NME6: variants seen among roughly 807,000 people sequenced by gnomAD.
NME6 encodes NME/NM23 nucleoside diphosphate kinase 6.
A neutral mutation model predicts 22.2 loss-of-function variants in NME6; 16 were observed. The ratio of observed to expected loss-of-function variants is 0.72; its 90% CI spans 0.49 to 1.09. The LOEUF (loss-of-function observed/expected upper bound fraction) is 1.09, where lower values mean the gene tolerates loss of function less well. Ranked by LOEUF, NME6 falls within the 50% of genes least tolerant of loss-of-function variation. The pLI is 0.00. For missense variants in NME6, 229 were observed against 239.0 expected, an observed-to-expected ratio of 0.96 and a Z score of 0.28; for synonymous variants, 58 against 85.2, an observed-to-expected ratio of 0.68 and a Z score of 1.76.
In NME6 at chr3:48,296,732, T is replaced by A; in HGVS notation, c.188A>T (p.His63Leu). Residue 63 changes from histidine to leucine, a missense_variant, in exon 3 of 6, where the codon CAT (histidine) becomes CTT (leucine). By Grantham distance (99) the His-to-Leu change is moderately conservative. Coordinates refer to ENST00000442597, the MANE Select transcript of NME6 (RefSeq NM_001308426.2). ...CAGAGGACTACTGATCCTACCTTCATGCTCTCGGTAAAACCTCTGGCAATC... is the reference window on the plus strand; with the variant it reads ...CAGAGGACTACTGATCCTACCTTCAAGCTCTCGGTAAAACCTCTGGCAATC... ...KEDCQRFYRE[H>L]EGRFFYQRLV... is the part of the protein sequence containing the mutation. 1.2e-6 allele frequency: 2 copies of A among 1,611,156 alleles called. No individual in the cohort carries two copies. The highest frequency in any genetic ancestry group is 1.7e-6 in the Non-Finnish European group (2 of 1,178,026).
intron 1 of NME6, chr3:48,300,495 C>A: frequency 2.6e-6 from 1 of 378,152 alleles, no homozygotes; most frequent in Non-Finnish European, 5.1e-6. Context: ...CCCTTCAGTT[C>A]CGTCTTCACC....
At chr3:48,299,755 G>A (rs1334451468) in intron 1 of NME6, among the ~76,000 whole-genome samples, 2 of 152,106 alleles carry the variant, frequency 1.3e-5, no homozygotes, top group East Asian at 3.8e-4. Flanking sequence ...CAAAGAAACT[G>A]CCATGGTCGC....
downstream of NME6, among the ~76,000 whole-genome samples, chr3:48,288,320 A>G (rs1050066872): frequency 6.6e-6 from 1 of 151,580 alleles, no homozygotes; most frequent in African/African-American, 2.4e-5. Context: ...GGTGGCAGTG[A>G]GCAGAGATCA....
intron 1 of NME6, 114 bp from the exon 2 acceptor site, chr3:48,298,637 A>T (rs1462319376): frequency 2.9e-6 from 2 of 678,908 alleles, no homozygotes; most frequent in Non-Finnish European, 4.9e-6. Context: ...GACACTCATA[A>T]AGAACCTGAC....
At chr3:48,295,932 G>T (rs991756222) in intron 4 of NME6, 187 bp downstream of exon 4, 24 of 612,082 alleles carry the variant, frequency 3.9e-5, no homozygotes, top group African/African-American at 3.9e-4. Flanking sequence ...GGCCAGGCTG[G>T]TCTCAAACTC....
At position 48,295,095 on chromosome 3, in the gene NME6, C is replaced by T. The variant is rs1360838900; in HGVS notation, c.374G>A (p.Arg125His). The T allele has an allele frequency of 6.8e-6, 11 of 1,613,886 alleles. No individual in the cohort carries two copies. Among genetic ancestry groups the T allele is most frequent in the Middle Eastern group, 1.7e-4 (1 of 6,022 alleles). Residue 125 changes from arginine (R) to histidine (H), a missense_variant, in exon 5 of 6, where the codon CGC becomes CAC. Coordinates refer to ENST00000442597, the MANE Select transcript of NME6 (RefSeq NM_001308426.2). ...CTCACCCGAACCATGGGTGGTGTTG[C>T]GGGTGTCAGTGAGGCCGAAACTCCC... ...IRGSFGLTDT[R>H]NTTHGSDSVV...
Position 48,301,349 on chromosome 3 carries a change from T to A in NME6, c.-8+4A>T, listed in dbSNP as rs995082751. ...GTGCAGCAGAAGTCCGGCTGCGGGT[T>A]CACCTTGTCCTCCGGCACAGGGCCC... On this transcript the variant is annotated splice_donor_region_variant and intron_variant, in intron 1 of 5. Transcript: ENST00000442597. 10 of 1,567,976 alleles carry A rather than the reference T, an allele frequency of 6.4e-6. No individual in the cohort carries two copies. The African/African-American group carries it at 1.2e-4, about 19-fold the overall frequency.
At position 48,295,068 on chromosome 3, in the gene NME6, G is replaced by C; in HGVS notation, c.394+7C>G. ...AAATATCCTATGGCTATGGACAGGG[G>C]ACTCACCCGAACCATGGGTGGTGTT... is the stretch of plus-strand genomic sequence containing the variant. On this transcript the variant is annotated splice_region_variant and intron_variant, in intron 5 of 5. Transcript: ENST00000442597. The C allele has an allele frequency of 6.2e-7, 1 of 1,613,514 alleles. No individual in the cohort carries two copies. The highest frequency in any genetic ancestry group is 8.5e-7 in the Non-Finnish European group (1 of 1,179,696).
chr3:48,289,069 A>ATTT (rs35823729), downstream of NME6, among the ~76,000 whole-genome samples: 18 of 148,254 alleles, frequency 1.2e-4, no homozygotes, highest in Middle Eastern at 3.5e-3. Flanking sequence ...TTTAAAAATA[A>ATTT]TTTTTTTTTT....
chr3:48,296,853 T>TA, intron 2 of NME6, 24 bp from the exon 3 acceptor site: 1 of 1,566,824 alleles, frequency 6.4e-7, no homozygotes, highest in Non-Finnish European at 8.8e-7. Flanking sequence ...ATCCCCAAAA[T>TA]AAAAATCAAT....
downstream of NME6, chr3:48,290,997 C>A: frequency 1.4e-5 from 4 of 285,866 alleles, no homozygotes; most frequent in South Asian, 1.6e-4. Flanking sequence ...ATTTGGTAAT[C>A]GTTCAAATTT....
At position 48,294,204 on chromosome 3, in the gene NME6, G is replaced by C. The variant is rs2034805477; in HGVS notation, c.*433C>G. On this transcript the variant is annotated 3_prime_UTR_variant, in exon 6 of 6. Coordinates refer to ENST00000442597, the MANE Select transcript of NME6 (RefSeq NM_001308426.2). ...ATTCTCCTGCCTCAGCCTCTGAGTAGCTGGGATTACAGGCATGCACCACCA... is the reference window on the plus strand; with the variant it reads ...ATTCTCCTGCCTCAGCCTCTGAGTACCTGGGATTACAGGCATGCACCACCA... The C allele has an allele frequency of 6.4e-6, 1 of 155,360 alleles. No individual in the cohort carries two copies. The highest frequency in any genetic ancestry group is 1.4e-5 in the Non-Finnish European group (1 of 69,998). 9.6% of individuals were successfully genotyped at this position (155,360 alleles called of 1,614,324 possible). A position where few individuals can be genotyped will look rare whatever the true frequency, so the allele number is the denominator to read the frequency against.
chr3:48,300,196 G>A (rs1377309740), intron 1 of NME6: 3 of 456,004 alleles, frequency 6.6e-6, no homozygotes, highest in Admixed American at 4.7e-5. Context: ...CCCTTTAAAG[G>A]GCACCCTGTT....
chr3:48,295,294 G>A (rs2034967504), intron 4 of NME6, 59 bp from the exon 5 acceptor site: 5 of 1,535,558 alleles, frequency 3.3e-6, no homozygotes, highest in South Asian at 2.4e-5. Context: ...AGGGTGTGCT[G>A]TGAGCAGGGC....
At chr3:48,298,552 C>T in intron 1 of NME6, 29 bp from the exon 2 acceptor site, 1 of 1,528,482 alleles carries the variant, frequency 6.5e-7, no homozygotes, top group Non-Finnish European at 8.8e-7. Flanking sequence ...ATTAGGAACC[C>T]TTCAGGACGG....
chr3:48,299,556 TA>T (rs2035478013), intron 1 of NME6, among the ~76,000 whole-genome samples: 1 of 148,958 alleles, frequency 6.7e-6, no homozygotes, highest in African/African-American at 2.4e-5. Context: ...CTCTACTACA[TA>T]TGTGTGTATG....
At chr3:48,292,251 TATAC>T (rs1478632397), downstream of NME6, 1 of 152,232 alleles carries the variant, frequency 6.6e-6, no homozygotes, top group Non-Finnish European at 1.5e-5. Flanking sequence ...TGCAAAGGAC[TATAC>T]ATACAAAAAC....
intron 1 of NME6, chr3:48,300,173 T>G: frequency 6.7e-6 from 3 of 450,708 alleles, no homozygotes; most frequent in South Asian, 4.7e-5. Context: ...AATCATATGG[T>G]TCCCCTCCTT....
At chr3:48,289,765 C>T (rs1197227370), downstream of NME6, among the ~76,000 whole-genome samples, 3 of 152,100 alleles carry the variant, frequency 2.0e-5, no homozygotes, top group Admixed American at 6.5e-5. Context: ...CACATGTTCA[C>T]GATTGTTCAA....
Sources: gnomAD v4.1 joint callset for allele counts (sites outside exome capture counted in the v4.1 genomes callset) on GRCh38, gnomAD v4.1.1 for gene constraint, MANE v1.5 for transcripts, NCBI Gene and HGNC (gene_info 2026-07-23, HGNC 2026-07-21) for gene names.